ABCC5: variants seen among roughly 807,000 people sequenced by gnomAD.
ABCC5 encodes the protein ATP binding cassette subfamily C member 5, also known as ATP-binding cassette sub-family C member 5.
Under a neutral mutation model 160.9 loss-of-function variants are expected in ABCC5, and 61 were observed. The ratio of observed to expected loss-of-function variants is 0.38; its 90% CI spans 0.31 to 0.47. The LOEUF (loss-of-function observed/expected upper bound fraction) is 0.47, where lower values mean the gene tolerates loss of function less well. Ranked by LOEUF, ABCC5 falls within the 20% of genes least tolerant of loss-of-function variation. The pLI, the probability that ABCC5 is intolerant of heterozygous loss-of-function variation, is 0.99. For synonymous variants in ABCC5, 666 were observed against 700.6 expected, an observed-to-expected ratio of 0.95 and a Z score of 0.78; for missense variants, 1,308 against 1,813.3, an observed-to-expected ratio of 0.72 and a Z score of 5.06.
At chr3:183,957,381 A>T (rs1716173593) in intron 17 of ABCC5, among the ~76,000 whole-genome samples, 1 of 130,918 alleles carries the variant, frequency 7.6e-6, no homozygotes, top group Non-Finnish European at 1.6e-5. Flanking sequence ...TGTATATCAC[A>T]TCGGTTACAT....
chr3:183,971,850 T>G lies in ABCC5; in HGVS notation c.1474A>C (p.Met492Leu), dbSNP rs1717781461. The G allele has an allele frequency of 6.2e-7, 1 of 1,614,050 alleles. No individual in the cohort carries two copies. Residue 492 changes from methionine (M) to leucine (L), a missense_variant, in exon 11 of 30, where the codon ATG (methionine) becomes CTG (leucine). Physicochemically the swap from Met to Leu is conservative, Grantham distance 15. Coordinates refer to ENST00000334444, the MANE Select transcript of ABCC5 (RefSeq NM_005688.4). ...KPASPHIKIE[M>L]KNATLAWDSS... is the part of the protein sequence containing the mutation. ...TCCCATGCCAAGGTGGCATTTTTCA[T>G]CTCTATCTTGATGTGAGGACTGGCT...
Position 183,971,775 on chromosome 3 carries a change from T to C in ABCC5, c.1549A>G (p.Lys517Glu). ...CCCCTGGAAGCCCTCTTGTCTTTTTTCATTTTGGGGGTCAGCTTGGGCGAG... is the reference window on the plus strand; with the variant it reads ...CCCCTGGAAGCCCTCTTGTCTTTTTCCATTTTGGGGGTCAGCTTGGGCGAG... ...QNSPKLTPKM[K>E]KDKRASRGKK... The change falls in exon 11 of 30, where the codon AAA (lysine) becomes GAA (glutamate). Residue 517 changes from lysine to glutamate, a missense_variant. Lys to Glu is a moderately conservative substitution (Grantham distance 56). Coordinates refer to ENST00000334444, the MANE Select transcript of ABCC5 (RefSeq NM_005688.4). 6.2e-7 allele frequency: 1 copy of C among 1,614,224 alleles called. No homozygotes were observed. The highest frequency in any genetic ancestry group is 8.5e-7 in the Non-Finnish European group (1 of 1,180,050).
chr3:183,942,409 G>A (rs1425906493), intron 25 of ABCC5: 2 of 521,176 alleles, frequency 3.8e-6, no homozygotes, highest in Non-Finnish European at 7.4e-6. Flanking sequence ...CATATTACTA[G>A]AGGAAGCCTA....
chr3:183,983,065 A>G, intron 5 of ABCC5, 58 bp from the exon 6 acceptor site: 4 of 1,461,230 alleles, frequency 2.7e-6, no homozygotes, highest in Non-Finnish European at 3.8e-6. Flanking sequence ...ACACAATGCC[A>G]TAGTTTTATG....
chr3:183,949,735 G>A lies in ABCC5; in HGVS notation c.3227+18C>T, dbSNP rs773302123. On this transcript the variant is annotated intron_variant, in intron 22 of 29. Coordinates refer to ENST00000334444, the MANE Select transcript of ABCC5 (RefSeq NM_005688.4). The surrounding 1 kb of genome is among the most constrained non-coding windows in gnomAD (Gnocchi z 4.2). ...TGCTGACTCCCCTTTGAGGCCTCTA[G>A]CCCCCATCAGGACAAACCTGTGCAG... 1.9e-6 allele frequency: 3 copies of A among 1,613,620 alleles called. No individual in the cohort carries two copies. Among genetic ancestry groups the A allele is most frequent in the Non-Finnish European group, 2.5e-6 (3 of 1,179,882 alleles).
At chr3:183,959,956 T>A in intron 16 of ABCC5, 121 bp from the exon 17 acceptor site, 1 of 653,192 alleles carries the variant, frequency 1.5e-6, no homozygotes, top group Non-Finnish European at 2.5e-6. Context: ...ACATCCAACT[T>A]CTTAAAAGGG....
intron 17 of ABCC5, among the ~76,000 whole-genome samples, chr3:183,956,045 C>T (rs1214065063): frequency 7.0e-6 from 1 of 141,992 alleles, no homozygotes; most frequent in African/African-American, 2.6e-5. Context: ...ACATCAGTTA[C>T]ATGCAGATCC....
At chr3:183,974,491 T>C (rs1168555484) in intron 10 of ABCC5, among the ~76,000 whole-genome samples, 2 of 152,136 alleles carry the variant, frequency 1.3e-5, no homozygotes, top group African/African-American at 2.4e-5. Flanking sequence ...GTATTTTTAG[T>C]AGAGACGGGG....
intron 10 of ABCC5, among the ~76,000 whole-genome samples, chr3:183,974,071 T>C (rs1441702406): frequency 1.3e-5 from 2 of 152,178 alleles, no homozygotes; most frequent in Non-Finnish European, 2.9e-5. Context: ...ATACTTGAAC[T>C]TGTATCTACT....
At chr3:183,937,511 C>A (rs374251948) in intron 26 of ABCC5, among the ~76,000 whole-genome samples, 2 of 152,240 alleles carry the variant, frequency 1.3e-5, no homozygotes, top group Admixed American at 1.3e-4. Flanking sequence ...TACCATTTGC[C>A]AGGCCCTGTG....
chr3:183,996,137 G>C (rs1247327487), intron 2 of ABCC5, among the ~76,000 whole-genome samples: 1 of 152,154 alleles, frequency 6.6e-6, no homozygotes, highest in Non-Finnish European at 1.5e-5. Context: ...TTTGATGTTT[G>C]AGAAGCATCA....
At chr3:183,983,961 C>G in intron 5 of ABCC5, 1 of 985,376 alleles carries the variant, frequency 1.0e-6, no homozygotes, top group Middle Eastern at 5.2e-4. Flanking sequence ...GAATAGAACC[C>G]ATATCTGTTT....
chr3:183,965,081 C>T (rs1717093023), intron 14 of ABCC5, 104 bp downstream of exon 14: 3 of 1,188,278 alleles, frequency 2.5e-6, no homozygotes, highest in African/African-American at 3.0e-5. Context: ...GCCTAACTCC[C>T]TGTGAGGCTC....
chr3:183,925,924 C>T (rs1577447274), intron 28 of ABCC5, among the ~76,000 whole-genome samples: 3 of 150,342 alleles, frequency 2.0e-5, no homozygotes, highest in East Asian at 2.0e-4. Flanking sequence ...CTGCAAGCTC[C>T]GCCTCCCGGG....
chr3:184,016,764 G>A (rs1722225554), intron 1 of ABCC5, among the ~76,000 whole-genome samples: 1 of 152,098 alleles, frequency 6.6e-6, no homozygotes, highest in Non-Finnish European at 1.5e-5. Context: ...TGCCCAATAG[G>A]GTTGAGGCCA....
At chr3:183,928,561 G>A (rs1712840234) in intron 27 of ABCC5, among the ~76,000 whole-genome samples, 186 bp downstream of exon 27, 2 of 152,232 alleles carry the variant, frequency 1.3e-5, no homozygotes, top group South Asian at 4.1e-4. Context: ...CGTAGGCAGT[G>A]TGGGCGGTGG....
intron 1 of ABCC5, among the ~76,000 whole-genome samples, chr3:184,016,034 C>T (rs1722166166): frequency 6.6e-6 from 1 of 152,180 alleles, no homozygotes. Flanking sequence ...TATGAAATGC[C>T]ACATCAAGAA....
chr3:183,998,000 G>A (rs1176719058), intron 2 of ABCC5, among the ~76,000 whole-genome samples: 1 of 152,044 alleles, frequency 6.6e-6, no homozygotes, highest in Non-Finnish European at 1.5e-5. Context: ...GCCAAGGCTG[G>A]TCTTGAGCTC....
At position 183,921,159 on chromosome 3, in the gene ABCC5, C is replaced by A; in HGVS notation, c.*141G>T. On this transcript the variant is annotated 3_prime_UTR_variant, in exon 30 of 30. Transcript: ENST00000334444. The surrounding 1 kb of genome is among the most constrained non-coding windows in gnomAD (Gnocchi z 4.1). ...AATATGACTCTCCCTAAAAGTGAAA[C>A]ACACAAGCCAATCCGGAACTGCTGT... 5.7e-6 allele frequency: 3 copies of A among 523,086 alleles called. No individual in the cohort carries two copies. Among genetic ancestry groups the A allele is most frequent in the South Asian group, 3.3e-5 (1 of 30,010 alleles). The allele number at this position is 523,086 out of a possible 1,614,324, so 32.4% of individuals were successfully genotyped here.
Sources: allele counts gnomAD v4.1 joint callset (sites outside exome capture counted in the v4.1 genomes callset), GRCh38; gene constraint gnomAD v4.1.1; non-coding constraint Gnocchi (gnomAD v3.1); transcripts MANE v1.5; gene names NCBI Gene and HGNC (gene_info 2026-07-23, HGNC 2026-07-21).